FBXO4: variants seen among roughly 807,000 people sequenced by gnomAD.
The protein encoded by FBXO4 is F-box protein 4, also known as F-box only protein 4.
Under a neutral mutation model 43.7 loss-of-function variants are expected in FBXO4, and 36 were observed. The observed-to-expected ratio is 0.82, with a 90% CI of 0.63 to 1.09. The LOEUF (loss-of-function observed/expected upper bound fraction) is 1.09. FBXO4 is among the 50% of genes least tolerant of loss of function. The probability of loss-of-function intolerance (pLI) is 0.00; values close to 1 mark genes in which losing one functional copy is unlikely to be tolerated. For synonymous variants in FBXO4, 180 were observed against 165.6 expected, an observed-to-expected ratio of 1.09 and a Z score of -0.67; for missense variants, 435 against 474.1, an observed-to-expected ratio of 0.92 and a Z score of 0.77.
the FBXO4 span, among the ~76,000 whole-genome samples, chr5:42,034,797 C>T: frequency 7.2e-5 from 11 of 152,086 alleles, 1 homozygote; most frequent in East Asian, 7.7e-4. Flanking sequence ...TCAGGTAACA[C>T]GATGCCTCTT....
At position 41,929,793 on chromosome 5, in the gene FBXO4, G is replaced by A. The variant is rs144096644; in HGVS notation, c.522G>A (p.Gln174=). The change falls in exon 3 of 7, where the codon CAG becomes CAA. Residue 174 remains glutamine, a synonymous_variant. Coordinates refer to ENST00000281623, the MANE Select transcript of FBXO4 (RefSeq NM_012176.3). ...VTSFLHSLII[Q]NEPRFAMFGP... ...CTTTTTTACACTCCCTGATCATTCA[G>A]AATGAACCACGATTTGCTATGTTTG... is the stretch of plus-strand genomic sequence containing the variant. The A allele has an allele frequency of 1.1e-3, 1,835 of 1,614,144 alleles. 9 individuals carry two copies. Among genetic ancestry groups the A allele is most frequent in the Middle Eastern group, 6.1e-3 (37 of 6,062 alleles).
chr5:41,961,775 G>A, the FBXO4 span, among the ~76,000 whole-genome samples: 1 of 152,146 alleles, frequency 6.6e-6, no homozygotes, highest in Admixed American at 6.5e-5. Context: ...TTGGGTGGTG[G>A]AGAAGTGTGC....
chr5:42,017,089 T>C, the FBXO4 span, among the ~76,000 whole-genome samples: 1 of 152,020 alleles, frequency 6.6e-6, no homozygotes, highest in Non-Finnish European at 1.5e-5. Flanking sequence ...GTATATCGTA[T>C]ATAGTATAGA....
intron 3 of FBXO4, among the ~76,000 whole-genome samples, chr5:41,933,684 A>T (rs529787059): frequency 5.9e-5 from 9 of 152,274 alleles, no homozygotes; most frequent in African/African-American, 2.2e-4. Flanking sequence ...ATAAGATGAT[A>T]AAGTTGTTGA....
chr5:41,967,803 G>A, the FBXO4 span: 3 of 613,540 alleles, frequency 4.9e-6, no homozygotes, highest in African/African-American at 5.5e-5. Flanking sequence ...GGTGGAGAAG[G>A]AGGCCATCTA....
At position 41,939,445 on chromosome 5, in the gene FBXO4, T is replaced by C; in HGVS notation, c.903T>C (p.His301=). ...GTTTTGACTTACATTCCTTAGGACA[T>C]GAATGGCAAGATGAATTTTCTCATA... The part of the protein sequence containing the change: ...YVANAEAHKR[H]EWQDEFSHIM... The change falls in exon 6 of 7, where the codon CAT becomes CAC. Residue 301 remains histidine, a synonymous_variant. Transcript: ENST00000281623. 1.9e-6 allele frequency: 3 copies of C among 1,608,750 alleles called. No individual in the cohort carries two copies. The highest frequency in any genetic ancestry group is 1.7e-6 in the Non-Finnish European group (2 of 1,176,810).
At position 41,934,250 on chromosome 5, in the gene FBXO4, A is replaced by G; in HGVS notation, c.840A>G (p.Gln280=). 6.2e-7 allele frequency: 1 copy of G among 1,614,172 alleles called. No individual in the cohort carries two copies. Among genetic ancestry groups the G allele is most frequent in the Non-Finnish European group, 8.5e-7 (1 of 1,180,006 alleles). ...GSRYSVIPQI[Q]KVCEVVDGFI... The stretch of plus-strand genomic sequence containing the variant: ...GGTACAGTGTGATTCCACAGATTCA[A>G]AAAGTGTGTGAAGTTGTAGATGGGT... Residue 280 remains glutamine, a synonymous_variant, in exon 5 of 7, where the codon CAA becomes CAG. Transcript: ENST00000281623.
chr5:41,964,565 AGCCAC>A, the FBXO4 span, among the ~76,000 whole-genome samples: 2 of 151,506 alleles, frequency 1.3e-5, no homozygotes, highest in Admixed American at 1.3e-4. Context: ...TACTTATCCA[AGCCAC>A]AAAATGATTT....
the FBXO4 span, among the ~76,000 whole-genome samples, chr5:42,032,245 T>C: frequency 6.6e-6 from 1 of 152,108 alleles, no homozygotes; most frequent in African/African-American, 2.4e-5. Flanking sequence ...CTACTGCCTA[T>C]GTTTTTCAAG....
chr5:42,005,872 T>TA, the FBXO4 span, among the ~76,000 whole-genome samples: 2 of 152,010 alleles, frequency 1.3e-5, no homozygotes, highest in African/African-American at 2.4e-5. Flanking sequence ...ATTTCCTCTT[T>TA]AAAAAAACCA....
At chr5:42,038,031 A>T in the FBXO4 span, among the ~76,000 whole-genome samples, 1 of 152,138 alleles carries the variant, frequency 6.6e-6, no homozygotes, top group Non-Finnish European at 1.5e-5. Context: ...CCCTTTCAGA[A>T]TTCAAACAGT....
At chr5:41,932,746 G>A (rs187995294) in intron 3 of FBXO4, among the ~76,000 whole-genome samples, 1 of 152,258 alleles carries the variant, frequency 6.6e-6, no homozygotes, top group East Asian at 1.9e-4. Flanking sequence ...GAGTGATGAT[G>A]ACAATGTGAA....
chr5:41,943,008 C>A (rs1314542409), downstream of FBXO4, among the ~76,000 whole-genome samples: 1 of 152,014 alleles, frequency 6.6e-6, no homozygotes, highest in South Asian at 2.1e-4. Flanking sequence ...GTGTATAATA[C>A]TTTGTATACA....
At chr5:42,030,701 C>T in the FBXO4 span, among the ~76,000 whole-genome samples, 5 of 151,608 alleles carry the variant, frequency 3.3e-5, no homozygotes, top group Non-Finnish European at 7.4e-5. Context: ...TTTTCGCAAC[C>T]TACTCATCTG....
At chr5:41,926,355 C>G (rs765319756) in intron 1 of FBXO4, among the ~76,000 whole-genome samples, 3 of 152,144 alleles carry the variant, frequency 2.0e-5, no homozygotes, top group African/African-American at 7.2e-5. Flanking sequence ...GGGCGGATCA[C>G]GAGGTCAGGA....
the FBXO4 span, among the ~76,000 whole-genome samples, chr5:42,027,508 T>A: frequency 1.3e-4 from 20 of 148,598 alleles, no homozygotes; most frequent in Admixed American, 4.6e-4. Flanking sequence ...GTTTCATTGA[T>A]CTTTTGTATT....
chr5:41,927,252 A>G lies in FBXO4; in HGVS notation c.425+4A>G. ...CATTTTTTGACTACATGGCAGTGTA[A>G]GTATCTAGTTTTATGAATTAAAAAG... On this transcript the variant is annotated splice_donor_region_variant and intron_variant, in intron 2 of 6. Coordinates refer to ENST00000281623, the MANE Select transcript of FBXO4 (RefSeq NM_012176.3). 6.4e-7 allele frequency: 1 copy of G among 1,558,950 alleles called. No individual in the cohort carries two copies.
the FBXO4 span, among the ~76,000 whole-genome samples, chr5:41,999,644 C>T: frequency 6.7e-6 from 1 of 148,774 alleles, no homozygotes; most frequent in Non-Finnish European, 1.5e-5. Flanking sequence ...GCTTGAGGAG[C>T]AAAGGGAGCC....
chr5:42,014,131 G>A, the FBXO4 span, among the ~76,000 whole-genome samples: 8 of 152,106 alleles, frequency 5.3e-5, no homozygotes, highest in Admixed American at 3.3e-4. Flanking sequence ...ATTCAATGAG[G>A]AGTCTTCCCC....
Sources: allele counts gnomAD v4.1 joint callset (sites outside exome capture counted in the v4.1 genomes callset), GRCh38; gene constraint gnomAD v4.1.1; transcripts MANE v1.5; gene names NCBI Gene and HGNC (gene_info 2026-07-23, HGNC 2026-07-21).